The following KATNB1 variants were observed in gnomAD, a reference collection of about 807,000 sequenced individuals.
KATNB1 encodes katanin regulatory subunit B1.
In KATNB1, 38 loss-of-function variants were observed where a neutral mutation model predicts 82.3. That is an observed-to-expected ratio of 0.46 (90% CI 0.36 to 0.61). The LOEUF (loss-of-function observed/expected upper bound fraction) is 0.61, where lower values mean the gene tolerates loss of function less well. KATNB1 is among the 20% of genes least tolerant of loss of function. The pLI is 0.00. For synonymous variants in KATNB1, 361 were observed against 368.7 expected (o/e 0.98, Z 0.24); for missense variants, 749 against 915.7 (o/e 0.82, Z 2.35).
At chr16:57,747,535 C>T (rs1172627811) in intron 4 of KATNB1, among the ~76,000 whole-genome samples, 1 of 152,224 alleles carries the variant, frequency 6.6e-6, no homozygotes, top group Admixed American at 6.5e-5. Flanking sequence ...AAAAGAGCCC[C>T]AGGACCTCTT....
At chr16:57,752,378 C>G (rs2049235519) in intron 8 of KATNB1, 152 bp from the exon 9 acceptor site, 1 of 742,560 alleles carries the variant, frequency 1.3e-6, no homozygotes, top group African/African-American at 1.7e-5. Context: ...CGAGCCTCCC[C>G]CTTGCAAAGT....
chr16:57,741,587 GGCTTCAGGTTCCAAAGC>G, intron 2 of KATNB1, 83 bp from the exon 3 acceptor site: 2 of 1,297,606 alleles, frequency 1.5e-6, no homozygotes, highest in Non-Finnish European at 2.1e-6. Context: ...CCTTCCACTG[GGCTTCAGGTTCCAAAGC>G]GGGTAGCCGA....
chr16:57,756,789 C>A (rs2049293630), intron 19 of KATNB1, 25 bp from the exon 20 acceptor site: 2 of 1,517,566 alleles, frequency 1.3e-6, no homozygotes, highest in Non-Finnish European at 1.8e-6. Flanking sequence ...GCCAGCTAGC[C>A]CCTCAGGCAC....
At chr16:57,756,234 G>C in intron 18 of KATNB1, 122 bp from the exon 19 acceptor site, 1 of 1,094,978 alleles carries the variant, frequency 9.1e-7, no homozygotes, top group Non-Finnish European at 1.4e-6. Context: ...ACAGGCGTGT[G>C]TGGGTGTATG....
chr16:57,748,584 T>TG, intron 4 of KATNB1, among the ~76,000 whole-genome samples: 1 of 151,808 alleles, frequency 6.6e-6, no homozygotes, highest in Admixed American at 6.6e-5. Flanking sequence ...TGGGAGGCGT[T>TG]GGGGGTTCCT....
At position 57,739,148 on chromosome 16, in the gene KATNB1, G is replaced by A. The variant is rs184327046; in HGVS notation, c.40+1865G>A. On this transcript the variant is annotated intron_variant, in intron 2 of 19. Coordinates refer to ENST00000379661, the MANE Select transcript of KATNB1 (RefSeq NM_005886.3). ...GGACCCCAGCCCTCCTGAGGCTGCCGTGCTTTATCATAAAGGCAAGGCCAA... is the reference window on the plus strand; with the variant it reads ...GGACCCCAGCCCTCCTGAGGCTGCCATGCTTTATCATAAAGGCAAGGCCAA... Among the ~76,000 whole-genome samples the A allele has an allele frequency of 7.9e-4, 120 of 152,300 alleles. 3 individuals are homozygous for A. Among genetic ancestry groups the A allele is most frequent in the Admixed American group, 6.1e-3 (94 of 15,306 alleles).
intron 9 of KATNB1, 40 bp downstream of exon 9, chr16:57,752,641 G>A (rs74427832): frequency 0.02 from 30,561 of 1,547,970 alleles, 348 homozygotes; most frequent in Non-Finnish European, 0.023. Flanking sequence ...CGCTCCTCCC[G>A]GCAGTGGGGC....
chr16:57,753,621 T>TC (rs567877786), intron 12 of KATNB1, 102 bp downstream of exon 12: 2 of 1,455,628 alleles, frequency 1.4e-6, no homozygotes, highest in Admixed American at 3.9e-5. Flanking sequence ...CCCTTTAACT[T>TC]CCTCCTAACC....
At chr16:57,756,612 G>A (rs1448553334) in intron 19 of KATNB1, 140 bp downstream of exon 19, 5 of 1,160,514 alleles carry the variant, frequency 4.3e-6, no homozygotes, top group Non-Finnish European at 6.0e-6. Flanking sequence ...ATGGCTCAGG[G>A]TGTGGGTGGG....
chr16:57,755,389 C>G lies in KATNB1; in HGVS notation c.1461C>G (p.Ala487=). The part of the protein sequence containing the change: ...PQQAELVDED[A]MSQIRKGHDT... ...AGGCCGAGCTGGTGGACGAGGATGC[C>G]ATGTCACAGATCCGCAAAGGCCACG... Residue 487 remains alanine (A), a synonymous_variant, in exon 16 of 20, where the codon GCC becomes GCG. Coordinates refer to ENST00000379661, the MANE Select transcript of KATNB1 (RefSeq NM_005886.3). The G allele has an allele frequency of 6.2e-7, 1 of 1,613,324 alleles. No individual in the cohort carries two copies. The highest frequency in any genetic ancestry group is 8.5e-7 in the Non-Finnish European group (1 of 1,180,028).
Position 57,751,011 on chromosome 16 carries a change from C to A in KATNB1, c.390+84C>A. 1 of 1,115,000 alleles carries A rather than the reference C, an allele frequency of 9.0e-7. No individual in the cohort carries two copies. The highest frequency in any genetic ancestry group is 1.4e-6 in the Non-Finnish European group (1 of 733,424). 69.1% of individuals were successfully genotyped at this position (1,115,000 alleles called of 1,614,324 possible). The stretch of plus-strand genomic sequence containing the variant: ...CCCGGCCCTCAGTGCTGGATGCCTG[C>A]TGAGGGGACCTCTTCCCTTTCTGCA... On this transcript the variant is annotated intron_variant, in intron 5 of 19. Transcript: ENST00000379661. The surrounding 1 kb of genome is among the most constrained non-coding windows in gnomAD (Gnocchi z 6.3).
At position 57,755,235 on chromosome 16, in the gene KATNB1, G is replaced by T; in HGVS notation, c.1413G>T (p.Leu471=). Residue 471 remains leucine, a synonymous_variant, in exon 15 of 20, where the codon CTG becomes CTT. Coordinates refer to ENST00000379661, the MANE Select transcript of KATNB1 (RefSeq NM_005886.3). ...EPIGLKASDF[L]PAVKIPQQAE... is the part of the protein sequence containing the mutation. ...TCGGGCTGAAGGCCTCCGACTTCCT[G>T]CCCGTGAGTAGGAGCCCAGCTCGAG... 1 of 1,610,798 alleles carries T rather than the reference G, an allele frequency of 6.2e-7. No individual in the cohort carries two copies. Among genetic ancestry groups the T allele is most frequent in the Non-Finnish European group, 8.5e-7 (1 of 1,179,970 alleles).
chr16:57,752,273 A>G (rs1248234985), intron 8 of KATNB1: 2 of 628,018 alleles, frequency 3.2e-6, no homozygotes, highest in Non-Finnish European at 5.7e-6. Context: ...CTGTGGCTTC[A>G]TGGGCAGGTT....
At chr16:57,736,252 G>GGGA in intron 1 of KATNB1, 1 of 152,596 alleles carries the variant, frequency 6.6e-6, no homozygotes. Context: ...GTGCATAAGT[G>GGGA]GGAGACTCAG....
intron 10 of KATNB1, 42 bp downstream of exon 10, chr16:57,752,970 G>T: frequency 6.3e-7 from 1 of 1,596,544 alleles, no homozygotes; most frequent in Non-Finnish European, 8.5e-7. Flanking sequence ...CTCCCACAGG[G>T]CCACCCGCCT....
chr16:57,752,254 G>A lies in KATNB1; in HGVS notation c.632+199G>A, dbSNP rs782422885. The stretch of plus-strand genomic sequence containing the variant: ...CTGGCTCTGGTTCCCTGGCCCCAGT[G>A]TCCCAGGTCTGTGGCTTCATGGGCA... On this transcript the variant is annotated intron_variant, in intron 8 of 19. Coordinates refer to ENST00000379661, the MANE Select transcript of KATNB1 (RefSeq NM_005886.3). 3.8e-5 allele frequency: 24 copies of A among 635,408 alleles called. No homozygotes were observed. The Middle Eastern group carries it at 1.2e-3, about 33-fold the overall frequency. 39.4% of individuals were successfully genotyped at this position (635,408 alleles called of 1,614,324 possible). A position where few individuals can be genotyped will look rare whatever the true frequency, so the allele number is the denominator to read the frequency against.
rs1169197298 is a variant in KATNB1, at chr16:57,751,394, G to A, written c.432+92G>A. 18 of 1,291,916 alleles carry A rather than the reference G, an allele frequency of 1.4e-5. No individual in the cohort carries two copies. Among genetic ancestry groups the A allele is most frequent in the Middle Eastern group, 1.8e-4 (1 of 5,496 alleles). The allele number at this position is 1,291,916 out of a possible 1,614,324, so 80.0% of individuals were successfully genotyped here. On this transcript the variant is annotated intron_variant, in intron 6 of 19. Transcript: ENST00000379661. The surrounding 1 kb of genome is among the most constrained non-coding windows in gnomAD (Gnocchi z 6.3). ...GACCCCAGCAGGGGGTGGAGGGGAC[G>A]GCTGTCCCACATGGGTGATAACATA...
At chr16:57,752,977 G>T in intron 10 of KATNB1, 49 bp downstream of exon 10, 7 of 1,587,892 alleles carry the variant, frequency 4.4e-6, no homozygotes, top group Non-Finnish European at 4.3e-6. Context: ...AGGGCCACCC[G>T]CCTCCCTCCA....
chr16:57,744,720 T>G (rs910473164), intron 4 of KATNB1, among the ~76,000 whole-genome samples: 1 of 149,114 alleles, frequency 6.7e-6, no homozygotes, highest in African/African-American at 2.5e-5. Context: ...GATGTGCGGG[T>G]GTGTGTGTGT....
Sources: gnomAD v4.1 joint callset for allele counts (sites outside exome capture counted in the v4.1 genomes callset) on GRCh38, gnomAD v4.1.1 for gene constraint, Gnocchi (gnomAD v3.1) non-coding constraint, MANE v1.5 for transcripts, NCBI Gene and HGNC (gene_info 2026-07-23, HGNC 2026-07-21) for gene names.